Variants in ZSCAN25 observed in about 807,000 individuals in gnomAD.
The protein encoded by ZSCAN25 is zinc finger and SCAN domain containing 25, also known as zinc finger and SCAN domain-containing protein 25.
In ZSCAN25, 27 loss-of-function variants were observed where a neutral mutation model predicts 38.7. The observed-to-expected ratio is 0.70, with a 90% CI of 0.51 to 0.96. The LOEUF is 0.96. Ranked by LOEUF, ZSCAN25 falls within the 40% of genes least tolerant of loss-of-function variation. The pLI, the probability that ZSCAN25 is intolerant of heterozygous loss-of-function variation, is 0.00. For missense variants in ZSCAN25, 637 were observed against 705.9 expected (o/e 0.90, Z 1.11); for synonymous variants, 273 against 277.7 (o/e 0.98, Z 0.17).
At chr7:99,617,150 G>C (rs1806534639) in intron 1 of ZSCAN25, 134 bp downstream of exon 1, 1 of 152,176 alleles carries the variant, frequency 6.6e-6, no homozygotes, top group African/African-American at 2.4e-5. Context: ...CTCAGCCCCG[G>C]CTGAGGGCGG....
At chr7:99,715,624 G>A in the ZSCAN25 span, 17 of 1,464,834 alleles carry the variant, frequency 1.2e-5, no homozygotes, top group African/African-American at 1.4e-5. Context: ...GGTGATGGTC[G>A]TACATATCTT....
At chr7:99,651,131 A>G in the ZSCAN25 span, among the ~76,000 whole-genome samples, 3 of 152,090 alleles carry the variant, frequency 2.0e-5, no homozygotes, top group Non-Finnish European at 4.4e-5. Flanking sequence ...TGGCATTTGG[A>G]TGGGGCAGCT....
chr7:99,652,477 A>T, the ZSCAN25 span: 1 of 891,182 alleles, frequency 1.1e-6, no homozygotes, highest in East Asian at 2.4e-5. Context: ...CACGATTGTC[A>T]TGTAGATTAA....
the ZSCAN25 span, chr7:99,699,907 C>T: frequency 3.1e-5 from 36 of 1,159,372 alleles, no homozygotes; most frequent in Non-Finnish European, 2.6e-6. Flanking sequence ...GAACAGGGGC[C>T]TGAGTAGCAC....
rs1042752671 is a variant in ZSCAN25 at position 99,629,226 on chromosome 7, C to T, written c.841C>T (p.Gln281Ter). The T allele has an allele frequency of 2.5e-6, 4 of 1,613,196 alleles. No individual in the cohort carries two copies. Among genetic ancestry groups the T allele is most frequent in the South Asian group, 1.1e-5 (1 of 90,962 alleles). ...GSKEKEAKPPQEDLKGALVAL... is the reference protein window; with the variant it reads ...GSKEKEAKPP ...CAAGGAAAAGGAGGCAAAACCCCCA[C>T]AGGAAGACCTGAAAGGGGCGCTGGT... The change falls in exon 8 of 8, where the codon CAG becomes TAG. Residue 281 changes from glutamine (Q) to a stop codon, truncating the protein, a stop_gained. Coordinates refer to ENST00000394152, the MANE Select transcript of ZSCAN25 (RefSeq NM_145115.3). LOFTEE classifies it low-confidence loss of function (END_TRUNC). This position sits in a 1 kb window ranked among gnomAD's most constrained non-coding sequence, Gnocchi z 5.6.
chr7:99,667,129 T>C, the ZSCAN25 span: 1 of 1,462,770 alleles, frequency 6.8e-7, no homozygotes. Flanking sequence ...TTGCACAAAA[T>C]ATATTGAAGA....
At chr7:99,628,534 G>C (rs139861419) in intron 7 of ZSCAN25, among the ~76,000 whole-genome samples, 1 of 152,250 alleles carries the variant, frequency 6.6e-6, no homozygotes, top group Non-Finnish European at 1.5e-5. Context: ...TCTCAGTCCT[G>C]ATAAATATGC....
downstream of ZSCAN25, among the ~76,000 whole-genome samples, chr7:99,632,820 T>G (rs938785289): frequency 6.6e-6 from 1 of 152,120 alleles, no homozygotes; most frequent in Non-Finnish European, 1.5e-5. Flanking sequence ...TGTCAAAATA[T>G]CCAGTGAATT....
At chr7:99,672,986 G>T in the ZSCAN25 span, 1 of 838,050 alleles carries the variant, frequency 1.2e-6, no homozygotes, top group Non-Finnish European at 1.5e-6. Flanking sequence ...TAAGCTGGGT[G>T]GTACATACGT....
At chr7:99,651,554 A>T in the ZSCAN25 span, among the ~76,000 whole-genome samples, 1 of 152,188 alleles carries the variant, frequency 6.6e-6, no homozygotes. Flanking sequence ...TCTGTGAACA[A>T]GTATTATGTG....
At chr7:99,664,178 A>G in the ZSCAN25 span, 1 of 1,098,114 alleles carries the variant, frequency 9.1e-7, no homozygotes, top group Non-Finnish European at 1.3e-6. Context: ...CTCTACCAGT[A>G]ATAAGAATAA....
At chr7:99,649,836 T>C in the ZSCAN25 span, among the ~76,000 whole-genome samples, 8 of 152,050 alleles carry the variant, frequency 5.3e-5, no homozygotes, top group African/African-American at 1.9e-4. Context: ...TTACTCAGGT[T>C]CAAAGAGACT....
the ZSCAN25 span, chr7:99,666,586 T>C: frequency 1.2e-6 from 2 of 1,612,722 alleles, no homozygotes; most frequent in Non-Finnish European, 1.7e-6. Context: ...ACCCCATGGC[T>C]GTGCTCCTAC....
the ZSCAN25 span, among the ~76,000 whole-genome samples, chr7:99,691,699 A>G: frequency 6.6e-6 from 1 of 152,100 alleles, no homozygotes; most frequent in African/African-American, 2.4e-5. Flanking sequence ...CTATTTTATC[A>G]GAGAATAGGA....
the ZSCAN25 span, among the ~76,000 whole-genome samples, chr7:99,686,573 C>G: frequency 5.2e-4 from 79 of 152,256 alleles, no homozygotes; most frequent in Non-Finnish European, 8.4e-4. Context: ...GGCTCCACCT[C>G]TGGGGGCAGG....
the ZSCAN25 span, chr7:99,652,734 TGTCAAG>T: frequency 6.2e-7 from 1 of 1,614,112 alleles, no homozygotes. Flanking sequence ...TTCACCACCA[TGTCAAG>T]GTACTCCATC....
chr7:99,686,757 C>CG, the ZSCAN25 span, among the ~76,000 whole-genome samples: 2 of 151,738 alleles, frequency 1.3e-5, no homozygotes, highest in Non-Finnish European at 2.9e-5. Context: ...GGCACCCCCC[C>CG]CCCAGTAGGG....
At chr7:99,648,291 A>G in the ZSCAN25 span, 200,320 of 1,605,368 alleles carry the variant, frequency 0.12, 25,133 homozygotes, top group African/African-American at 0.6. Flanking sequence ...CAAAGTAGAA[A>G]TCCTTAGAAT....
At position 99,631,129 on chromosome 7, in the gene ZSCAN25, G is replaced by A. The variant is rs1807969693; in HGVS notation, c.*1109G>A. ...TGGATGTACCTGATCTTCAGAACCC[G>A]TGGATATTCCTGCAAATCCTCTGGG... On this transcript the variant is annotated 3_prime_UTR_variant, in exon 8 of 8. Transcript: ENST00000394152. 8.1e-6 allele frequency: 8 copies of A among 985,366 alleles called. No individual in the cohort carries two copies. Among genetic ancestry groups the A allele is most frequent in the Non-Finnish European group, 8.4e-6 (7 of 829,922 alleles). The allele number at this position is 985,366 out of a possible 1,614,324, so 61.0% of individuals were successfully genotyped here. A position where few individuals can be genotyped will look rare whatever the true frequency, so the allele number is the denominator to read the frequency against.
Sources: gnomAD v4.1 joint callset for allele counts (sites outside exome capture counted in the v4.1 genomes callset) on GRCh38, gnomAD v4.1.1 for gene constraint, Gnocchi (gnomAD v3.1) non-coding constraint, MANE v1.5 for transcripts, NCBI Gene and HGNC (gene_info 2026-07-23, HGNC 2026-07-21) for gene names.